WDR62: variants seen among roughly 807,000 people sequenced by gnomAD.
WDR62 encodes the protein WD repeat-containing protein 62.
In WDR62, 112 loss-of-function variants were observed where a neutral mutation model predicts 160.6. The ratio of observed to expected loss-of-function variants is 0.70; its 90% confidence interval spans 0.60 to 0.82. WDR62 has a LOEUF of 0.82. Among genes scored for constraint, WDR62 ranks in the 40% least tolerant of loss-of-function variants. The pLI is 0.00. For synonymous variants in WDR62, 792 were observed against 815.1 expected (o/e 0.97, Z 0.48); for missense variants, 1,819 against 1,983.8 (o/e 0.92, Z 1.58).
Position 36,103,696 on chromosome 19 carries a change from A to G in WDR62, c.3868A>G (p.Asn1290Asp), listed in dbSNP as rs774375475. 2.5e-6 allele frequency: 4 copies of G among 1,610,182 alleles called. No homozygotes were observed. The highest frequency in any genetic ancestry group is 3.4e-6 in the Non-Finnish European group (4 of 1,179,992). ...GQEPALRSWG[N>D]HEARANLRLT... ...AGAGCCTGCCCTGCGTTCCTGGGGC[A>G]ACCACGAGGCCCGGGCCAACCTGAG... The change falls in exon 30 of 32, where the codon AAC (asparagine) becomes GAC (aspartate). Residue 1290 changes from asparagine to aspartate, a missense_variant. Around this residue, in one of 3 missense-constraint regions of WDR62, gnomAD observed 770 missense variants for 734.2 expected, o/e 1.05. Coordinates refer to ENST00000401500, the MANE Select transcript of WDR62 (RefSeq NM_001083961.2).
chr19:36,091,908 CAT>C (rs1270158012), intron 18 of WDR62, among the ~76,000 whole-genome samples: 1 of 151,462 alleles, frequency 6.6e-6, no homozygotes, highest in Non-Finnish European at 1.5e-5. Context: ...ACTAAAAAAA[CAT>C]ATCCCAGCTC....
intron 9 of WDR62, among the ~76,000 whole-genome samples, chr19:36,080,283 A>ATT (rs760362258): frequency 8.0e-6 from 1 of 124,266 alleles, no homozygotes; most frequent in Non-Finnish European, 1.7e-5. Flanking sequence ...AATTTTTTGT[A>ATT]TTTTTTTTTT....
rs1973569943 is a variant in WDR62 at position 36,103,904 on chromosome 19, AC to A, written c.4080del (p.Ser1361ValfsTer54). 1.3e-6 allele frequency: 2 copies of A among 1,599,174 alleles called. No individual in the cohort carries two copies. Among genetic ancestry groups the A allele is most frequent in the South Asian group, 2.2e-5 (2 of 91,052 alleles). On this transcript the variant is annotated frameshift_variant, in exon 30 of 32. Transcript: ENST00000401500. LOFTEE classifies it high-confidence loss of function. ...CCTGAGTCCCCTGGCCTTCCTGCCC[AC>A]CCCAGTAACCCCCAGCTTCCAGAGG... ...PAPESPGLPAHPSNPQLPEAR... is the reference protein window; with the variant it reads ...PAPESPGLPAXPSNPQLPEAR...
Position 36,103,338 on chromosome 19 carries a change from T to A in WDR62, c.3515-5T>A. The A allele has an allele frequency of 6.2e-7, 1 of 1,613,820 alleles. No homozygotes were observed. The highest frequency in any genetic ancestry group is 8.5e-7 in the Non-Finnish European group (1 of 1,180,006). ...TGGAGTCAGTGCCATCTGCTTCCGTTACAGCTCCCTGCCTTACGAGCCTGG... is the reference window on the plus strand; with the variant it reads ...TGGAGTCAGTGCCATCTGCTTCCGTAACAGCTCCCTGCCTTACGAGCCTGG... On this transcript the variant is annotated splice_region_variant and splice_polypyrimidine_tract_variant and intron_variant, in intron 29 of 31. Coordinates refer to ENST00000401500, the MANE Select transcript of WDR62 (RefSeq NM_001083961.2).
chr19:36,106,874 T>C (rs1388241086), downstream of WDR62, among the ~76,000 whole-genome samples: 4 of 152,214 alleles, frequency 2.6e-5, no homozygotes, highest in African/African-American at 2.4e-5. Context: ...CTCACGACTC[T>C]GCCTCAGGGA....
chr19:36,068,066 T>C (rs1246129101), intron 7 of WDR62, 56 bp downstream of exon 7: 4 of 1,568,338 alleles, frequency 2.6e-6, no homozygotes, highest in Non-Finnish European at 3.5e-6. Flanking sequence ...GATATGTGTC[T>C]GCAGGGGTGC....
chr19:36,082,595 C>G (rs1971963844), intron 10 of WDR62, among the ~76,000 whole-genome samples: 1 of 152,240 alleles, frequency 6.6e-6, no homozygotes, highest in African/African-American at 2.4e-5. Flanking sequence ...GACATACATG[C>G]TGTTTTTGGC....
intron 7 of WDR62, among the ~76,000 whole-genome samples, chr19:36,068,915 C>G (rs1166040886): frequency 6.6e-6 from 1 of 152,182 alleles, no homozygotes; most frequent in African/African-American, 2.4e-5. Flanking sequence ...GGGCTCCTCA[C>G]TTCCCAGAAG....
chr19:36,069,182 C>G (rs1188430506), intron 7 of WDR62, among the ~76,000 whole-genome samples: 3 of 146,076 alleles, frequency 2.1e-5, no homozygotes, highest in Non-Finnish European at 4.4e-5. Flanking sequence ...TGACCCCCAC[C>G]TCCCTCCGGG....
chr19:36,100,859 G>A lies in WDR62; in HGVS notation c.2851G>A (p.Val951Ile). 1 of 1,614,266 alleles carries A rather than the reference G, an allele frequency of 6.2e-7. No homozygotes were observed. The highest frequency in any genetic ancestry group is 1.1e-5 in the South Asian group (1 of 91,082). The change falls in exon 23 of 32, where the codon GTC becomes ATC. Residue 951 changes from valine (V) to isoleucine (I), a missense_variant. Val to Ile is a conservative substitution (Grantham distance 29). Transcript: ENST00000401500. ...ILYSLEAEVT[V>I]TGTDSQYCRK... ...CTACTCTCTGGAGGCAGAAGTGACA[G>A]TCACAGGGACAGACAGGTGGGTGTC... is the stretch of plus-strand genomic sequence containing the variant.
chr19:36,090,410 G>A, intron 15 of WDR62, 35 bp from the exon 16 acceptor site: 1 of 1,607,498 alleles, frequency 6.2e-7, no homozygotes. Context: ...GGTAGGCGGG[G>A]CCCTGTTGGC....
intron 1 of WDR62, among the ~76,000 whole-genome samples, chr19:36,055,979 A>T (rs1047969652): frequency 1.3e-5 from 2 of 152,192 alleles, no homozygotes; most frequent in Non-Finnish European, 2.9e-5. Flanking sequence ...CAGCCTGGCC[A>T]ACATGGTGAA....
Position 36,074,878 on chromosome 19 carries a change from G to A in WDR62, c.1233+1347G>A, listed in dbSNP as rs570260132. On this transcript the variant is annotated intron_variant, in intron 9 of 31. Coordinates refer to ENST00000401500, the MANE Select transcript of WDR62 (RefSeq NM_001083961.2). ...CCTGCCCCCAGTTCTGCTCTCTCTCGCCCTCACCATTATCAATTTTATTAT... is the reference window on the plus strand; with the variant it reads ...CCTGCCCCCAGTTCTGCTCTCTCTCACCCTCACCATTATCAATTTTATTAT... 6.6e-5 allele frequency among the ~76,000 whole-genome samples: 10 copies of A among 152,026 alleles called. No individual in the cohort carries two copies. In the South Asian group the frequency reaches 1.0e-3, roughly 16 times the overall value.
rs1308884055 is a variant in WDR62 at position 36,097,013 on chromosome 19, CTG to C, written c.2468-10_2468-9del. 2.5e-6 allele frequency: 4 copies of C among 1,609,076 alleles called. No homozygotes were observed. The highest frequency in any genetic ancestry group is 1.1e-5 in the South Asian group (1 of 89,912). ...GTTGTTTGTCCTCTTTTCATGGATTCTGTGTCTTTCCAGATCCTCGTTGCCTG... is the reference window on the plus strand; with the variant it reads ...GTTGTTTGTCCTCTTTTCATGGATTCTGTCTTTCCAGATCCTCGTTGCCTG... On this transcript the variant is annotated splice_polypyrimidine_tract_variant and intron_variant, in intron 20 of 31. Coordinates refer to ENST00000401500, the MANE Select transcript of WDR62 (RefSeq NM_001083961.2).
chr19:36,098,621 A>T, intron 21 of WDR62, among the ~76,000 whole-genome samples: 1 of 152,114 alleles, frequency 6.6e-6, no homozygotes, highest in Non-Finnish European at 1.5e-5. Flanking sequence ...AGAGAGGTGA[A>T]TGAAGGATGA....
intron 2 of WDR62, among the ~76,000 whole-genome samples, chr19:36,059,412 C>G (rs1970530268): frequency 6.6e-6 from 1 of 152,170 alleles, no homozygotes; most frequent in African/African-American, 2.4e-5. Flanking sequence ...GGATTTAAAA[C>G]AATTACATCC....
rs922124935 is a variant in WDR62, at chr19:36,057,073, C to T, written c.178-1707C>T. ...CAAGCGATCTGCCTGCCTCGGCCTC[C>T]CAAAGTGCTAGGATTACAGGCGTGA... On this transcript the variant is annotated intron_variant, in intron 1 of 31. Coordinates refer to ENST00000401500, the MANE Select transcript of WDR62 (RefSeq NM_001083961.2). 3.3e-5 allele frequency among the ~76,000 whole-genome samples: 5 copies of T among 152,256 alleles called. No homozygotes were observed. In the South Asian group the frequency reaches 6.2e-4, roughly 19 times the overall value.
In WDR62 at chr19:36,066,266, A is replaced by G. The variant is rs1161171553; in HGVS notation, c.400A>G (p.Arg134Gly). 17 of 1,614,178 alleles carry G rather than the reference A, an allele frequency of 1.1e-5. No homozygotes were observed. The highest frequency in any genetic ancestry group is 1.4e-5 in the Non-Finnish European group (17 of 1,180,044). ...ACCCCACCTTCCCTAGAATGGGCATAGGCCTGCTGTGCGCATCTGGGATGT... is the reference window on the plus strand; with the variant it reads ...ACCCCACCTTCCCTAGAATGGGCATGGGCCTGCTGTGCGCATCTGGGATGT... ...KYIVTGENGH[R>G]PAVRIWDVEE... Residue 134 changes from arginine to glycine, a missense_variant, in exon 5 of 32, where the codon AGG (arginine) becomes GGG (glycine). Around this residue, in one of 3 missense-constraint regions of WDR62, gnomAD observed 934 missense variants for 1,157.2 expected, o/e 0.81. Coordinates refer to ENST00000401500, the MANE Select transcript of WDR62 (RefSeq NM_001083961.2).
At chr19:36,058,727 C>G (rs999526137) in intron 1 of WDR62, 53 bp from the exon 2 acceptor site, 4 of 1,497,390 alleles carry the variant, frequency 2.7e-6, no homozygotes, top group Non-Finnish European at 3.7e-6. Context: ...GGCGGCTGCA[C>G]CATGTGGTGC....
Sources: gnomAD v4.1 joint callset for allele counts (sites outside exome capture counted in the v4.1 genomes callset) on GRCh38, gnomAD v4.1.1 for gene constraint, gnomAD v4.1.1 regional missense constraint, MANE v1.5 for transcripts, NCBI Gene and HGNC (gene_info 2026-07-23, HGNC 2026-07-21) for gene names.